CCT6B: variants seen among roughly 807,000 people sequenced by gnomAD.
The protein encoded by CCT6B is chaperonin containing TCP1 subunit 6B.
CCT6B carries 49 observed loss-of-function variants against 61.5 expected under a neutral mutation model. The ratio of observed to expected loss-of-function variants is 0.80; its 90% CI spans 0.63 to 1.01. The LOEUF is 1.01. Among genes scored for constraint, CCT6B ranks in the 50% least tolerant of loss-of-function variants. CCT6B has a pLI of 0.00. For synonymous variants in CCT6B, 228 were observed against 214.5 expected, an observed-to-expected ratio of 1.06 and a Z score of -0.55; for missense variants, 666 against 634.7, an observed-to-expected ratio of 1.05 and a Z score of -0.53.
chr17:34,958,597 C>G lies in CCT6B; in HGVS notation c.299G>C (p.Gly100Ala), dbSNP rs774836222. Residue 100 changes from glycine (G) to alanine (A), a missense_variant, in exon 3 of 14, where the codon GGA becomes GCA. Gly to Ala is a moderately conservative substitution (Grantham distance 60). Coordinates refer to ENST00000314144, the MANE Select transcript of CCT6B (RefSeq NM_006584.4). ...CAGGTCAGCTTGTTTTAATAACTCT[C>G]CAATAATTAGAACATTTGAAGTAGT... ...DGTTSNVLII[G>A]ELLKQADLYI... is the part of the protein sequence containing the mutation. 4 of 1,592,764 alleles carry G rather than the reference C, an allele frequency of 2.5e-6. No individual in the cohort carries two copies. The Admixed American group carries it at 5.2e-5, about 21-fold the overall frequency.
rs1178966020 is a variant in CCT6B, at chr17:34,961,412, G to C, written c.-19C>G. ...CAGCCATAGCCTAACCGTTCAGAGGGAGAAAAAAAAAAAGCCTTAGTCGCG... is the reference window on the plus strand; with the variant it reads ...CAGCCATAGCCTAACCGTTCAGAGGCAGAAAAAAAAAAAGCCTTAGTCGCG... On this transcript the variant is annotated 5_prime_UTR_variant, in exon 1 of 14. Coordinates refer to ENST00000314144, the MANE Select transcript of CCT6B (RefSeq NM_006584.4). 7.6e-6 allele frequency: 12 copies of C among 1,572,110 alleles called. No individual in the cohort carries two copies. Among genetic ancestry groups the C allele is most frequent in the Non-Finnish European group, 1.0e-5 (12 of 1,166,422 alleles).
chr17:34,929,826 T>G (rs951611528), intron 12 of CCT6B, among the ~76,000 whole-genome samples: 2 of 152,092 alleles, frequency 1.3e-5, no homozygotes, highest in African/African-American at 4.8e-5. Flanking sequence ...ACTCTCAGGT[T>G]TTAATCTCCA....
chr17:34,955,520 T>C (rs989862834), intron 3 of CCT6B, among the ~76,000 whole-genome samples: 1 of 152,202 alleles, frequency 6.6e-6, no homozygotes, highest in Admixed American at 6.5e-5. Context: ...ATGAAAATGC[T>C]TGAAGAATCT....
chr17:34,932,248 T>G, intron 11 of CCT6B, 119 bp downstream of exon 11: 1 of 891,216 alleles, frequency 1.1e-6, no homozygotes, highest in Non-Finnish European at 1.6e-6. Context: ...GAGAAAACTG[T>G]GTAAGGAAAT....
chr17:34,955,874 G>T (rs2090342152), intron 3 of CCT6B, among the ~76,000 whole-genome samples: 1 of 152,098 alleles, frequency 6.6e-6, no homozygotes, highest in Non-Finnish European at 1.5e-5. Flanking sequence ...ATTTGCCTTA[G>T]ATCACCAAGA....
chr17:34,939,571 G>C (rs2090136521), intron 9 of CCT6B, 46 bp downstream of exon 9: 1 of 1,184,764 alleles, frequency 8.4e-7, no homozygotes, highest in South Asian at 1.3e-5. Context: ...TTTAAAAAAG[G>C]GGGCTTAGTA....
intron 9 of CCT6B, 39 bp downstream of exon 9, chr17:34,939,578 A>C (rs1236181123): frequency 8.0e-7 from 1 of 1,251,394 alleles, no homozygotes; most frequent in East Asian, 2.3e-5. Flanking sequence ...AAGGGGGCTT[A>C]GTATTCACTT....
Position 34,961,282 on chromosome 17 carries a change from A to C in CCT6B, c.112T>G (p.Leu38Val). 1.9e-6 allele frequency: 3 copies of C among 1,611,848 alleles called. No homozygotes were observed. The highest frequency in any genetic ancestry group is 2.5e-6 in the Non-Finnish European group (3 of 1,179,328). Residue 38 changes from leucine (L) to valine (V), a missense_variant, in exon 1 of 14, where the codon TTG becomes GTG. Leu to Val is a conservative substitution (Grantham distance 32). Transcript: ENST00000314144. The part of the protein sequence containing the change: ...RGLQDVLRTN[L>V]GPKGTMKMLV... ...ATTTTCATGGTGCCTTTAGGACCCA[A>C]GTTGGTCCGCAGCACATCCTGCAGC...
rs2090296524 is a variant in CCT6B at position 34,951,953 on chromosome 17, G to GT, written c.610dup (p.Thr204AsnfsTer37). 1 of 1,511,070 alleles carries GT rather than the reference G, an allele frequency of 6.6e-7. No individual in the cohort carries two copies. Among genetic ancestry groups the GT allele is most frequent in the Non-Finnish European group, 9.2e-7 (1 of 1,092,420 alleles). The allele number at this position is 1,511,070 out of a possible 1,614,324, so 93.6% of individuals were successfully genotyped here. Reference sequence around the variant, plus strand: ...TGTCAAAGCTTATGTAATTTACTTTGTATCTGTTCCTAATTTATGCTTCAT... The same window carrying GT: ...TGTCAAAGCTTATGTAATTTACTTTGTTATCTGTTCCTAATTTATGCTTCAT... On this transcript the variant is annotated frameshift_variant, in exon 5 of 14. Coordinates refer to ENST00000314144, the MANE Select transcript of CCT6B (RefSeq NM_006584.4). LOFTEE classifies it high-confidence loss of function.
intron 10 of CCT6B, among the ~76,000 whole-genome samples, chr17:34,934,902 A>G (rs964528573): frequency 1.8e-4 from 28 of 152,250 alleles, no homozygotes; most frequent in African/African-American, 6.8e-4. Context: ...CCTTATGAAT[A>G]CATATGTAAA....
At position 34,935,595 on chromosome 17, in the gene CCT6B, C is replaced by T. The variant is rs948388218; in HGVS notation, c.1214-3095G>A. On this transcript the variant is annotated intron_variant, in intron 10 of 13. Coordinates refer to ENST00000314144, the MANE Select transcript of CCT6B (RefSeq NM_006584.4). Reference sequence around the variant, plus strand: ...CGAGGGCTGGGTGCAGTGGCTCAGGCTTGTAATCCCAGACCTTTGGGAGGC... The same window carrying T: ...CGAGGGCTGGGTGCAGTGGCTCAGGTTTGTAATCCCAGACCTTTGGGAGGC... Among the ~76,000 whole-genome samples the T allele has an allele frequency of 2.0e-5, 3 of 152,114 alleles. No homozygotes were observed. In the East Asian group the frequency reaches 5.8e-4, roughly 29 times the overall value.
At position 34,961,324 on chromosome 17, in the gene CCT6B, T is replaced by C. The variant is rs768744512; in HGVS notation, c.70A>G (p.Ile24Val). 1.2e-6 allele frequency: 2 copies of C among 1,612,836 alleles called. No homozygotes were observed. Among genetic ancestry groups the C allele is most frequent in the Admixed American group, 3.3e-5 (2 of 59,942 alleles). ...TCCTGCAGCCCTCGGGCGGCGCATATATTGACAGCCAAAGCTGCCCGGGCC... is the reference window on the plus strand; with the variant it reads ...TCCTGCAGCCCTCGGGCGGCGCATACATTGACAGCCAAAGCTGCCCGGGCC... ...ARARAALAVN[I>V]CAARGLQDVL... Residue 24 changes from isoleucine to valine, a missense_variant, in exon 1 of 14, where the codon ATA becomes GTA. Transcript: ENST00000314144.
chr17:34,954,345 C>T, intron 4 of CCT6B, 81 bp downstream of exon 4: 3 of 1,104,618 alleles, frequency 2.7e-6, no homozygotes, highest in Non-Finnish European at 2.6e-6. Flanking sequence ...ACATGAAATA[C>T]TTGATTATCT....
chr17:34,938,660 G>A (rs1448413286), intron 10 of CCT6B, among the ~76,000 whole-genome samples: 1 of 152,148 alleles, frequency 6.6e-6, no homozygotes, highest in Non-Finnish European at 1.5e-5. Context: ...GAGCCCAGGA[G>A]TTCAGGACCA....
At chr17:34,929,144 C>A in intron 12 of CCT6B, 110 bp from the exon 13 acceptor site, 4 of 667,736 alleles carry the variant, frequency 6.0e-6, no homozygotes, top group South Asian at 5.7e-5. Flanking sequence ...TTGTCAAGGT[C>A]ATCAATGACC....
chr17:34,959,743 G>T, intron 1 of CCT6B, 93 bp from the exon 2 acceptor site: 1 of 820,066 alleles, frequency 1.2e-6, no homozygotes. Context: ...AACTGGGCTC[G>T]GAAAACTTCC....
intron 10 of CCT6B, among the ~76,000 whole-genome samples, chr17:34,935,497 T>C (rs780934122): frequency 1.9e-4 from 29 of 152,196 alleles, no homozygotes; most frequent in Admixed American, 1.3e-4. Context: ...TATAACTAAG[T>C]ATGGTTTATC....
Position 34,961,447 on chromosome 17 carries a change from A to C in CCT6B, c.-54T>G. On this transcript the variant is annotated 5_prime_UTR_variant, in exon 1 of 14. Transcript: ENST00000314144. ...AAAAGCCTTAGTCGCGATTCTGAGC[A>C]AAAACGGCAATGCGACGCCACGCTC... 1 of 1,562,670 alleles carries C rather than the reference A, an allele frequency of 6.4e-7. No individual in the cohort carries two copies. The highest frequency in any genetic ancestry group is 8.6e-7 in the Non-Finnish European group (1 of 1,158,454).
At chr17:34,950,949 G>A (rs1277191200) in intron 5 of CCT6B, among the ~76,000 whole-genome samples, 4 of 150,130 alleles carry the variant, frequency 2.7e-5, no homozygotes, top group African/African-American at 9.7e-5. Flanking sequence ...AAAAGAAGAA[G>A]AAGAAGAAGA....
Sources: allele counts gnomAD v4.1 joint callset (sites outside exome capture counted in the v4.1 genomes callset), GRCh38; gene constraint gnomAD v4.1.1; transcripts MANE v1.5; gene names NCBI Gene and HGNC (gene_info 2026-07-23, HGNC 2026-07-21).